The following SLC39A14 variants were observed in gnomAD, a reference collection of about 807,000 sequenced individuals.
The protein encoded by SLC39A14 is solute carrier family 39 member 14.
Under a neutral mutation model 45.5 loss-of-function variants are expected in SLC39A14, and 19 were observed. The ratio of observed to expected loss-of-function variants is 0.42; its 90% CI spans 0.29 to 0.61. The LOEUF (loss-of-function observed/expected upper bound fraction) is 0.61. Among genes scored for constraint, SLC39A14 ranks in the 20% least tolerant of loss-of-function variants. The probability of loss-of-function intolerance (pLI) is 0.22; values close to 1 mark genes in which losing one functional copy is unlikely to be tolerated. For synonymous variants in SLC39A14, 264 were observed against 251.3 expected, an observed-to-expected ratio of 1.05 and a Z score of -0.48; for missense variants, 447 against 616.5, an observed-to-expected ratio of 0.73 and a Z score of 2.91.
intron 1 of SLC39A14, among the ~76,000 whole-genome samples, chr8:22,383,581 T>A (rs1410640326): frequency 6.6e-6 from 1 of 152,140 alleles, no homozygotes; most frequent in East Asian, 1.9e-4. Flanking sequence ...GACTGGGCGC[T>A]TGTTTTCTTA....
intron 1 of SLC39A14, among the ~76,000 whole-genome samples, chr8:22,373,152 ACTCTGGAG>A (rs1833025713): frequency 6.6e-6 from 1 of 151,364 alleles, no homozygotes; most frequent in Non-Finnish European, 1.5e-5. Flanking sequence ...AGTCCCAGCT[ACTCTGGAG>A]GCTGAGGCAG....
At chr8:22,425,632 CAAAAAACAGTTGT>C (rs1836371278), downstream of SLC39A14, among the ~76,000 whole-genome samples, 3 of 151,654 alleles carry the variant, frequency 2.0e-5, no homozygotes, top group Non-Finnish European at 4.4e-5. Flanking sequence ...AACTGCCAGC[CAAAAAACAGTTGT>C]ATTTCTTTTC....
chr8:22,417,685 C>G lies in SLC39A14; in HGVS notation c.1182C>G (p.Ser394Arg), dbSNP rs369140444. 8 of 1,614,000 alleles carry G rather than the reference C, an allele frequency of 5.0e-6. No individual in the cohort carries two copies. Among genetic ancestry groups the G allele is most frequent in the Non-Finnish European group, 5.9e-6 (7 of 1,180,016 alleles). Residue 394 changes from serine to arginine, a missense_variant, in exon 8 of 9, where the codon AGC (serine) becomes AGG (arginine). Physicochemically the swap from Ser to Arg is moderately radical, Grantham distance 110 (BLOSUM62 -1). Coordinates refer to ENST00000381237, the MANE Select transcript of SLC39A14 (RefSeq NM_001128431.4). The part of the protein sequence containing the change: ...DFVILLNAGM[S>R]IQQALFFNFL... ...TCATCCTGCTCAACGCTGGGATGAGCATCCAACAAGCTCTCTTCTTCAACT... is the reference window on the plus strand; with the variant it reads ...TCATCCTGCTCAACGCTGGGATGAGGATCCAACAAGCTCTCTTCTTCAACT...
At chr8:22,403,915 AAAAC>A (rs144988599) in intron 1 of SLC39A14, among the ~76,000 whole-genome samples, 41,717 of 150,208 alleles carry the variant, frequency 0.28, 6,655 homozygotes, top group East Asian at 0.51. Context: ...GACTGTCTCA[AAAAC>A]AAACAAACAA....
At chr8:22,375,658 T>C (rs945443911) in intron 1 of SLC39A14, among the ~76,000 whole-genome samples, 3 of 151,900 alleles carry the variant, frequency 2.0e-5, no homozygotes, top group Non-Finnish European at 4.4e-5. Flanking sequence ...CCCGGCTAAT[T>C]TTTGTGTTTT....
chr8:22,408,458 A>C lies in SLC39A14; in HGVS notation c.419A>C (p.Asn140Thr), dbSNP rs755579926. The stretch of plus-strand genomic sequence containing the variant: ...TCGGAGAACCAGGAAAACGAGGAGA[A>C]TGAGCAGACGGAGGAGGGGCGGCCA... ...CTSENQENEENEQTEEGRPSA... is the reference protein window; with the variant it reads ...CTSENQENEETEQTEEGRPSA... Residue 140 changes from asparagine (N) to threonine (T), a missense_variant, in exon 3 of 9, where the codon AAT becomes ACT. Asn to Thr is a moderately conservative substitution (Grantham distance 65). Transcript: ENST00000381237. The C allele has an allele frequency of 8.7e-6, 14 of 1,614,054 alleles. No individual in the cohort carries two copies. The highest frequency in any genetic ancestry group is 1.2e-5 in the Non-Finnish European group (14 of 1,180,038).
chr8:22,388,741 G>A (rs538795847), intron 1 of SLC39A14, among the ~76,000 whole-genome samples: 1 of 152,320 alleles, frequency 6.6e-6, no homozygotes, highest in Admixed American at 6.5e-5. Flanking sequence ...CTTCAGTAAT[G>A]GGATGGTGGC....
At chr8:22,416,528 G>A (rs1340188294) in intron 7 of SLC39A14, among the ~76,000 whole-genome samples, 1 of 151,864 alleles carries the variant, frequency 6.6e-6, no homozygotes, top group East Asian at 1.9e-4. Flanking sequence ...GGGTTCAAGC[G>A]ATTCTCCTGC....
At chr8:22,419,405 A>C in intron 8 of SLC39A14, 147 bp from the exon 9 acceptor site, 1 of 719,832 alleles carries the variant, frequency 1.4e-6, no homozygotes, top group Admixed American at 2.5e-5. Flanking sequence ...GCTGGTCTCG[A>C]ACTCCTGACC....
Position 22,421,419 on chromosome 8 carries a change from T to C in SLC39A14, c.*1721T>C. The C allele has an allele frequency of 1.3e-5, 13 of 985,856 alleles. No homozygotes were observed. The highest frequency in any genetic ancestry group is 1.6e-5 in the Non-Finnish European group (13 of 829,912). 61.1% of individuals were successfully genotyped at this position (985,856 alleles called of 1,614,324 possible). On this transcript the variant is annotated 3_prime_UTR_variant, in exon 9 of 9. Coordinates refer to ENST00000381237, the MANE Select transcript of SLC39A14 (RefSeq NM_001128431.4). ...TTTTTATCTTGCCTGTTGGCTTCAA[T>C]ACATTTGAGAATACGCTGAAGAGGG...
intron 8 of SLC39A14, among the ~76,000 whole-genome samples, chr8:22,432,058 C>T (rs143305194): frequency 7.7e-4 from 118 of 152,298 alleles, no homozygotes; most frequent in African/African-American, 2.6e-3. Flanking sequence ...GCAGCCGGCA[C>T]GGTGCCTCAT....
At chr8:22,393,338 A>G (rs1307857722) in intron 1 of SLC39A14, 1 of 671,010 alleles carries the variant, frequency 1.5e-6, no homozygotes, top group Non-Finnish European at 1.8e-6. Flanking sequence ...CAACTGTGAG[A>G]TTTGCTGTTT....
At chr8:22,379,963 A>G (rs1052307471) in intron 1 of SLC39A14, among the ~76,000 whole-genome samples, 2 of 151,800 alleles carry the variant, frequency 1.3e-5, no homozygotes, top group African/African-American at 4.8e-5. Context: ...GAAAAGAAAC[A>G]ACACTAACAA....
chr8:22,398,756 G>C, intron 1 of SLC39A14: 1 of 985,258 alleles, frequency 1.0e-6, no homozygotes, highest in African/African-American at 1.7e-5. Flanking sequence ...CAGAAGTGCC[G>C]CTTCTAGGCA....
chr8:22,396,383 AATAGAGAGAGAGAG>A lies in SLC39A14; in HGVS notation c.-15-8311_-15-8298del, dbSNP rs1352460009. On this transcript the variant is annotated intron_variant, in intron 1 of 8. Transcript: ENST00000381237. ...CTCCATCTTAAAAAATAAATAAATA[AATAGAGAGAGAGAG>A]AGAGAGAGAGAGAGAGGGGGGGGGG... 7.5e-4 allele frequency among the ~76,000 whole-genome samples: 48 copies of A among 63,786 alleles called. 1 individual carries two copies. The highest frequency in any genetic ancestry group is 2.9e-3 in the African/African-American group (44 of 15,398). The allele number at this position is 63,786 out of a possible 152,430, so 41.8% of individuals were successfully genotyped here.
At chr8:22,401,840 TTGTC>T (rs1834889675) in intron 1 of SLC39A14, among the ~76,000 whole-genome samples, 1 of 151,940 alleles carries the variant, frequency 6.6e-6, no homozygotes, top group African/African-American at 2.4e-5. Context: ...CCGGCCTCAT[TTGTC>T]TGTGTTCTTT....
At chr8:22,412,010 G>A in intron 3 of SLC39A14, 27 bp from the exon 4 acceptor site, 1 of 1,542,354 alleles carries the variant, frequency 6.5e-7, no homozygotes, top group East Asian at 2.5e-5. Flanking sequence ...TGCCCTGGGT[G>A]GGGCTGGCCC....
chr8:22,419,549 C>T lies in SLC39A14; in HGVS notation c.1333-3C>T. 6.2e-7 allele frequency: 1 copy of T among 1,608,956 alleles called. No individual in the cohort carries two copies. The highest frequency in any genetic ancestry group is 8.5e-7 in the Non-Finnish European group (1 of 1,178,196). On this transcript the variant is annotated splice_region_variant and splice_polypyrimidine_tract_variant and intron_variant, in intron 8 of 8. Transcript: ENST00000381237. ...GCTGTGTTGTTTCTTGCTTCTTTCC[C>T]AGTTCCCTGAGATGAATGAGGTCTG...
At chr8:22,402,646 A>G (rs1171008332) in intron 1 of SLC39A14, among the ~76,000 whole-genome samples, 1 of 147,698 alleles carries the variant, frequency 6.8e-6, no homozygotes, top group Non-Finnish European at 1.5e-5. Context: ...GCCAGCGCCT[A>G]TAATCCCAGC....
Sources: allele counts gnomAD v4.1 joint callset (sites outside exome capture counted in the v4.1 genomes callset), GRCh38; gene constraint gnomAD v4.1.1; transcripts MANE v1.5; gene names NCBI Gene and HGNC (gene_info 2026-07-23, HGNC 2026-07-21).